The following CCDC149 variants were observed in gnomAD, a reference collection of about 807,000 sequenced individuals.
CCDC149 encodes the protein coiled-coil domain containing 149.
CCDC149 carries 45 observed loss-of-function variants against 59.9 expected under a neutral mutation model. The ratio of observed to expected loss-of-function variants is 0.75; its 90% CI spans 0.59 to 0.96. The LOEUF is 0.96. Among genes scored for constraint, CCDC149 ranks in the 40% least tolerant of loss-of-function variants. The pLI is 0.00. For synonymous variants in CCDC149, 245 were observed against 260.6 expected, an observed-to-expected ratio of 0.94 and a Z score of 0.58; for missense variants, 584 against 664.7, an observed-to-expected ratio of 0.88 and a Z score of 1.33.
At chr4:24,955,701 G>T (rs1376745999) in intron 1 of CCDC149, among the ~76,000 whole-genome samples, 1 of 152,148 alleles carries the variant, frequency 6.6e-6, no homozygotes, top group African/African-American at 2.4e-5. Flanking sequence ...GAAAGTAGAA[G>T]GGTGGTTGCC....
intron 1 of CCDC149, among the ~76,000 whole-genome samples, chr4:24,919,940 G>A (rs1722237159): frequency 6.6e-6 from 1 of 152,188 alleles, no homozygotes; most frequent in Non-Finnish European, 1.5e-5. Flanking sequence ...TGGACCCCTT[G>A]CTATACAAGA....
intron 9 of CCDC149, among the ~76,000 whole-genome samples, chr4:24,824,286 GT>G (rs1715585459): frequency 1.3e-5 from 2 of 152,218 alleles, no homozygotes; most frequent in African/African-American, 4.8e-5. Flanking sequence ...AAGTTTGTCA[GT>G]GCTTTCTTCT....
At chr4:24,875,533 C>CTATG (rs1719362285) in intron 2 of CCDC149, among the ~76,000 whole-genome samples, 1 of 147,526 alleles carries the variant, frequency 6.8e-6, no homozygotes, top group African/African-American at 2.5e-5. Context: ...AGGGTTCTCT[C>CTATG]TATGTTGCTC....
intron 1 of CCDC149, among the ~76,000 whole-genome samples, chr4:24,929,214 T>C (rs953482241): frequency 5.3e-5 from 8 of 152,202 alleles, no homozygotes; most frequent in African/African-American, 1.9e-4. Context: ...GCAGCCCTGC[T>C]CTGCTGATTC....
chr4:24,815,491 C>A (rs1285763574), intron 12 of CCDC149, among the ~76,000 whole-genome samples: 2 of 152,116 alleles, frequency 1.3e-5, no homozygotes, highest in Non-Finnish European at 2.9e-5. Flanking sequence ...AATTTTTCAC[C>A]AACGTGAGAC....
At chr4:24,878,524 T>C (rs968703187) in intron 1 of CCDC149, among the ~76,000 whole-genome samples, 3 of 152,154 alleles carry the variant, frequency 2.0e-5, no homozygotes, top group African/African-American at 4.8e-5. Context: ...CAGGGGCGTA[T>C]TGAGATTTCA....
intron 10 of CCDC149, among the ~76,000 whole-genome samples, 152 bp from the exon 11 acceptor site, chr4:24,821,239 AG>A: frequency 6.6e-6 from 1 of 152,186 alleles, no homozygotes; most frequent in East Asian, 1.9e-4. Context: ...GAAATGAAAC[AG>A]GGAGAAATTT....
At chr4:24,872,450 C>T (rs942342087) in intron 3 of CCDC149, among the ~76,000 whole-genome samples, 16 of 151,968 alleles carry the variant, frequency 1.1e-4, no homozygotes, top group South Asian at 4.1e-4. Flanking sequence ...GGCATTTACC[C>T]GCCAAATGGT....
At chr4:24,867,137 A>C (rs2109223022) in intron 3 of CCDC149, among the ~76,000 whole-genome samples, 1 of 152,354 alleles carries the variant, frequency 6.6e-6, no homozygotes, top group South Asian at 2.1e-4. Flanking sequence ...GATAAGTCAC[A>C]GGAAAAATTA....
intron 1 of CCDC149, among the ~76,000 whole-genome samples, chr4:24,930,433 A>C (rs1722554257): frequency 6.6e-6 from 1 of 152,250 alleles, no homozygotes; most frequent in South Asian, 2.1e-4. Context: ...TTACATAAAC[A>C]GAATGATTAC....
chr4:24,904,069 C>T (rs560814943), intron 1 of CCDC149, among the ~76,000 whole-genome samples: 2 of 152,128 alleles, frequency 1.3e-5, no homozygotes, highest in African/African-American at 2.4e-5. Context: ...CAAAGTGCTG[C>T]GATTACAGGC....
intron 4 of CCDC149, among the ~76,000 whole-genome samples, chr4:24,843,860 C>T (rs1015008096): frequency 3.9e-5 from 6 of 152,146 alleles, no homozygotes; most frequent in African/African-American, 1.4e-4. Flanking sequence ...CTGCTCCTAC[C>T]TGCCTCCTGA....
At chr4:24,949,746 G>C (rs1397958831) in intron 1 of CCDC149, among the ~76,000 whole-genome samples, 1 of 152,176 alleles carries the variant, frequency 6.6e-6, no homozygotes, top group Non-Finnish European at 1.5e-5. Context: ...CAACCTGAGA[G>C]AAAACAGCAA....
intron 1 of CCDC149, among the ~76,000 whole-genome samples, chr4:24,961,310 A>C (rs1412307511): frequency 6.6e-6 from 1 of 152,214 alleles, no homozygotes; most frequent in Non-Finnish European, 1.5e-5. Flanking sequence ...TGACAAAAAA[A>C]TAAAATACCT....
intron 1 of CCDC149, among the ~76,000 whole-genome samples, chr4:24,925,828 T>C (rs1299123258): frequency 1.3e-5 from 2 of 152,208 alleles, no homozygotes; most frequent in African/African-American, 4.8e-5. Context: ...ATTTATTAAT[T>C]TGGGACACTT....
intron 1 of CCDC149, among the ~76,000 whole-genome samples, chr4:24,948,441 C>T (rs1005841026): frequency 1.6e-4 from 25 of 152,190 alleles, no homozygotes; most frequent in Middle Eastern, 3.2e-3. Flanking sequence ...TTCACTTTGC[C>T]TCTGCAGACC....
chr4:24,968,576 G>A (rs1031000469), intron 1 of CCDC149, among the ~76,000 whole-genome samples: 3 of 152,212 alleles, frequency 2.0e-5, no homozygotes, highest in East Asian at 3.9e-4. Context: ...CTGAGCCTTC[G>A]CCATTTAAGG....
Position 24,895,066 on chromosome 4 carries a change from T to C in CCDC149, c.63+17751A>G, listed in dbSNP as rs557670434. ...ACGATGACGACCATGATGGTGATGA[T>C]GATGAGTTAATGACGTGGCAACTAT... On this transcript the variant is annotated intron_variant, in intron 1 of 12. Transcript: ENST00000635206. 18 of 1,492,150 alleles carry C rather than the reference T, an allele frequency of 1.2e-5. No individual in the cohort carries two copies. The East Asian group carries it at 3.7e-4, about 31-fold the overall frequency. The allele number at this position is 1,492,150 out of a possible 1,614,324, so 92.4% of individuals were successfully genotyped here.
intron 1 of CCDC149, among the ~76,000 whole-genome samples, chr4:24,922,848 T>TTCCAA (rs1722335352): frequency 6.6e-6 from 1 of 152,226 alleles, no homozygotes; most frequent in South Asian, 2.1e-4. Flanking sequence ...TGGTCTCAGA[T>TTCCAA]GCCGTGTCCT....
Sources: allele counts gnomAD v4.1 joint callset (sites outside exome capture counted in the v4.1 genomes callset), GRCh38; gene constraint gnomAD v4.1.1; transcripts MANE v1.5; gene names NCBI Gene and HGNC (gene_info 2026-07-23, HGNC 2026-07-21).